The following INSC variants were observed in gnomAD, a reference collection of about 807,000 sequenced individuals.
INSC encodes the protein protein inscuteable homolog.
A neutral mutation model predicts 58.6 loss-of-function variants in INSC; 67 were observed. The ratio of observed to expected loss-of-function variants is 1.14; its 90% CI spans 0.94 to 1.40. The LOEUF (loss-of-function observed/expected upper bound fraction) is 1.40, where lower values mean the gene tolerates loss of function less well. Among genes scored for constraint, INSC ranks in the 40% most tolerant of loss-of-function variants. The pLI is 0.00. For synonymous variants in INSC, 262 were observed against 276.1 expected (o/e 0.95, Z 0.51); for missense variants, 714 against 692.0 (o/e 1.03, Z -0.36).
At chr11:15,142,093 TA>T (rs1848385304) in intron 1 of INSC, among the ~76,000 whole-genome samples, 1 of 152,204 alleles carries the variant, frequency 6.6e-6, no homozygotes, top group Non-Finnish European at 1.5e-5. Flanking sequence ...GGTCCCTGAA[TA>T]CTTGCTCCAT....
intron 7 of INSC, among the ~76,000 whole-genome samples, chr11:15,203,521 T>C (rs904954867): frequency 6.6e-6 from 1 of 152,242 alleles, no homozygotes; most frequent in African/African-American, 2.4e-5. Flanking sequence ...CTAATTTCAT[T>C]TGATGCTTGC....
chr11:15,202,899 C>A (rs566913520), intron 7 of INSC, among the ~76,000 whole-genome samples: 1 of 152,216 alleles, frequency 6.6e-6, no homozygotes, highest in Non-Finnish European at 1.5e-5. Flanking sequence ...ATGTGTCTTT[C>A]GCAGTATAGA....
intron 1 of INSC, among the ~76,000 whole-genome samples, chr11:15,121,652 C>A (rs1036588351): frequency 6.6e-6 from 1 of 152,168 alleles, no homozygotes; most frequent in African/African-American, 2.4e-5. Flanking sequence ...CCTTATCAAA[C>A]TTATACCCAC....
chr11:15,225,782 C>A lies in INSC; in HGVS notation c.1124C>A (p.Ala375Asp). ...QLNAIRVLLE[A>D]CSDKQRVDTP... ...AATGCCATCCGTGTTCTCCTGGAAG[C>A]CTGCAGTGACAAGCAGAGAGTGGAC... The change falls in exon 9 of 13, where the codon GCC (alanine) becomes GAC (aspartate). Residue 375 changes from alanine (A) to aspartate (D), a missense_variant. Coordinates refer to ENST00000379556, the MANE Select transcript of INSC (RefSeq NM_001042536.3). 1 of 1,613,892 alleles carries A rather than the reference C, an allele frequency of 6.2e-7. No individual in the cohort carries two copies. The highest frequency in any genetic ancestry group is 2.2e-5 in the East Asian group (1 of 44,856).
intron 7 of INSC, among the ~76,000 whole-genome samples, chr11:15,216,014 A>C (rs1196953810): frequency 2.0e-5 from 3 of 152,192 alleles, no homozygotes; most frequent in Non-Finnish European, 2.9e-5. Context: ...AGCAGTTTGG[A>C]ATGTAGACGT....
chr11:15,160,103 G>A (rs1421799852), intron 2 of INSC, among the ~76,000 whole-genome samples: 1 of 104,068 alleles, frequency 9.6e-6, no homozygotes, highest in Admixed American at 1.0e-4. Context: ...GCATCATCTA[G>A]GGGGTAAGGC....
At chr11:15,191,196 G>C (rs1352855966) in intron 6 of INSC, among the ~76,000 whole-genome samples, 1 of 152,034 alleles carries the variant, frequency 6.6e-6, no homozygotes, top group African/African-American at 2.4e-5. Flanking sequence ...AGCCAGGATG[G>C]TCTCGATCTC....
chr11:15,169,872 A>G (rs983883079), intron 2 of INSC, among the ~76,000 whole-genome samples: 1 of 152,154 alleles, frequency 6.6e-6, no homozygotes, highest in Non-Finnish European at 1.5e-5. Flanking sequence ...ACCATGGCAC[A>G]TTTGTCACAA....
intron 1 of INSC, among the ~76,000 whole-genome samples, chr11:15,136,594 G>GACAATACTT (rs1278346265): frequency 6.6e-6 from 1 of 152,032 alleles, no homozygotes; most frequent in Non-Finnish European, 1.5e-5. Context: ...CTCTTCACTA[G>GACAATACTT]GAGTAGATTA....
At chr11:15,244,432 C>A (rs1852482537) in intron 12 of INSC, among the ~76,000 whole-genome samples, 1 of 152,152 alleles carries the variant, frequency 6.6e-6, no homozygotes, top group Admixed American at 6.5e-5. Flanking sequence ...TGACTCCCAG[C>A]AACCAGCTCA....
chr11:15,159,101 C>T (rs944745200), intron 2 of INSC, among the ~76,000 whole-genome samples: 12 of 152,158 alleles, frequency 7.9e-5, no homozygotes, highest in African/African-American at 2.7e-4. Context: ...GAGGGCAGAG[C>T]TGCCAGTGCA....
rs528162598 is a variant in INSC, at chr11:15,224,387, A to G, written c.992-1263A>G. On this transcript the variant is annotated intron_variant, in intron 8 of 12. Transcript: ENST00000379556. ...TTACTACTAAAACTAAAAGGTAGGG[A>G]TCAGAATGTGCATTCACAGGTAGGT... Among the ~76,000 whole-genome samples, 134 of 152,330 alleles carry G rather than the reference A, an allele frequency of 8.8e-4. 1 individual carries two copies. Among genetic ancestry groups the G allele is most frequent in the Non-Finnish European group, 1.6e-3 (111 of 68,020 alleles).
chr11:15,210,872 G>C (rs1850999145), intron 7 of INSC, among the ~76,000 whole-genome samples: 1 of 152,038 alleles, frequency 6.6e-6, no homozygotes, highest in Non-Finnish European at 1.5e-5. Context: ...AAGGTTTAGG[G>C]TAGAATTTGG....
intron 1 of INSC, among the ~76,000 whole-genome samples, chr11:15,148,848 A>G (rs545650661): frequency 1.3e-3 from 199 of 152,328 alleles, no homozygotes; most frequent in South Asian, 2.5e-3. Flanking sequence ...GTGTCCCAAT[A>G]TTTGATACAT....
intron 1 of INSC, among the ~76,000 whole-genome samples, chr11:15,146,857 T>TC (rs1303642627): frequency 3.9e-5 from 6 of 152,200 alleles, no homozygotes; most frequent in Non-Finnish European, 8.8e-5. Flanking sequence ...TCTTTTTTTT[T>TC]CTCTCTGGAT....
intron 2 of INSC, among the ~76,000 whole-genome samples, chr11:15,172,131 T>C (rs1254708787): frequency 6.6e-6 from 1 of 152,204 alleles, no homozygotes; most frequent in Non-Finnish European, 1.5e-5. Context: ...GGAAAGATAA[T>C]GTAACAGATG....
chr11:15,169,143 G>A (rs1179567034), intron 2 of INSC, among the ~76,000 whole-genome samples: 9 of 152,010 alleles, frequency 5.9e-5, no homozygotes, highest in Admixed American at 5.2e-4. Context: ...CTGTTAAGGT[G>A]GTTAAGGAAG....
intron 4 of INSC, among the ~76,000 whole-genome samples, chr11:15,177,860 A>G (rs1054168000): frequency 6.6e-6 from 1 of 152,148 alleles, no homozygotes; most frequent in African/African-American, 2.4e-5. Flanking sequence ...TCTGGGAAGA[A>G]AATTCTCAAG....
chr11:15,213,113 A>T (rs1025875961), intron 7 of INSC, among the ~76,000 whole-genome samples: 1 of 151,686 alleles, frequency 6.6e-6, no homozygotes, highest in African/African-American at 2.4e-5. Context: ...TGCTCAACTC[A>T]GGATGTCCAT....
Sources: gnomAD v4.1 joint callset for allele counts (sites outside exome capture counted in the v4.1 genomes callset) on GRCh38, gnomAD v4.1.1 for gene constraint, MANE v1.5 for transcripts, NCBI Gene and HGNC (gene_info 2026-07-23, HGNC 2026-07-21) for gene names.